Variants in HNRNPLL observed in about 807,000 individuals in gnomAD.
The protein encoded by HNRNPLL is heterogeneous nuclear ribonucleoprotein L like, also known as heterogeneous nuclear ribonucleoprotein L-like.
In HNRNPLL, 25 loss-of-function variants were observed where a neutral mutation model predicts 67.1. The ratio of observed to expected loss-of-function variants is 0.37; its 90% CI spans 0.27 to 0.52. The LOEUF (loss-of-function observed/expected upper bound fraction) is 0.52, where lower values mean the gene tolerates loss of function less well. HNRNPLL is among the 20% of genes least tolerant of loss of function. The pLI is 0.90. For synonymous variants in HNRNPLL, 267 were observed against 241.7 expected (o/e 1.10, Z -0.97); for missense variants, 542 against 673.9 (o/e 0.80, Z 2.17).
intron 9 of HNRNPLL, 44 bp from the exon 10 acceptor site, chr2:38,569,378 T>C (rs746317669): frequency 2.1e-6 from 3 of 1,402,636 alleles, no homozygotes; most frequent in South Asian, 2.4e-5. Flanking sequence ...CTTTGTTAGA[T>C]AAAAAGCAGC....
chr2:38,569,362 A>C, intron 9 of HNRNPLL, 28 bp from the exon 10 acceptor site: 2 of 1,511,400 alleles, frequency 1.3e-6, no homozygotes, highest in Non-Finnish European at 1.8e-6. Context: ...AAGACATACA[A>C]AAGTACTTTG....
chr2:38,593,414 T>C lies in HNRNPLL; in HGVS notation c.190-1766A>G, dbSNP rs77799376. Among the ~76,000 whole-genome samples the C allele has an allele frequency of 5.1e-4, 78 of 152,300 alleles. 4 individuals are homozygous for C. The East Asian group carries it at 0.014, about 27-fold the overall frequency. On this transcript the variant is annotated intron_variant, in intron 1 of 12. Coordinates refer to ENST00000449105, the MANE Select transcript of HNRNPLL (RefSeq NM_138394.4). Reference sequence around the variant, plus strand: ...AGTATAACAAGTTTTACTCTCAAAATAATTAGAAAATAATAAACTGCAAGA... The same window carrying C: ...AGTATAACAAGTTTTACTCTCAAAACAATTAGAAAATAATAAACTGCAAGA...
intron 8 of HNRNPLL, among the ~76,000 whole-genome samples, chr2:38,570,167 A>T (rs566155100): frequency 6.6e-6 from 1 of 152,302 alleles, no homozygotes; most frequent in African/African-American, 2.4e-5. Context: ...GTTATGTATT[A>T]ATTGTGTGAT....
At chr2:38,597,036 AT>A (rs2148387998) in intron 1 of HNRNPLL, among the ~76,000 whole-genome samples, 1 of 152,078 alleles carries the variant, frequency 6.6e-6, no homozygotes, top group Admixed American at 6.5e-5. Context: ...TATTTTATTT[AT>A]TTTTTATTTT....
intron 4 of HNRNPLL, 42 bp downstream of exon 4, chr2:38,583,799 G>A (rs777122507): frequency 1.2e-5 from 11 of 911,288 alleles, no homozygotes; most frequent in African/African-American, 1.7e-5. Flanking sequence ...AATAAGATCC[G>A]TATGAATTAC....
chr2:38,579,702 CT>C (rs1416041196), intron 6 of HNRNPLL, among the ~76,000 whole-genome samples: 1 of 150,302 alleles, frequency 6.7e-6, no homozygotes, highest in Non-Finnish European at 1.5e-5. Context: ...CTGAAAAGGG[CT>C]TTGAAAAAAG....
In HNRNPLL at chr2:38,564,224, G is replaced by A. The variant is rs1251816722; in HGVS notation, c.1587C>T (p.Pro529=). The change falls in exon 13 of 13, where the codon CCC becomes CCT. Residue 529 remains proline, a synonymous_variant. Coordinates refer to ENST00000449105, the MANE Select transcript of HNRNPLL (RefSeq NM_138394.4). ...TAGAAAAGCAAAGCTTCAATGTATA[G>A]GGATTGGAACCATCTGTAAAAAGTA... ...YQIRVPNGSN[P]YTLKLCFSTS... The A allele has an allele frequency of 6.4e-6, 10 of 1,558,168 alleles. No homozygotes were observed. The African/African-American group carries it at 9.5e-5, about 15-fold the overall frequency.
intron 8 of HNRNPLL, among the ~76,000 whole-genome samples, chr2:38,570,244 G>C (rs952123828): frequency 3.3e-5 from 5 of 152,238 alleles, no homozygotes; most frequent in Admixed American, 2.0e-4. Context: ...AATACCATCT[G>C]GCAGGACTCG....
intron 8 of HNRNPLL, 128 bp from the exon 9 acceptor site, chr2:38,570,053 C>A: frequency 1.5e-6 from 1 of 656,612 alleles, no homozygotes; most frequent in Non-Finnish European, 2.7e-6. Flanking sequence ...TAACTATACT[C>A]TGCCATGTTA....
At chr2:38,585,102 T>C (rs566328631) in intron 3 of HNRNPLL, among the ~76,000 whole-genome samples, 4 of 152,346 alleles carry the variant, frequency 2.6e-5, no homozygotes, top group African/African-American at 9.6e-5. Flanking sequence ...GTTACTAGCT[T>C]ATTATGAAAC....
In HNRNPLL at chr2:38,562,229, A is replaced by G. The variant is rs1210283583; in HGVS notation, c.*1953T>C. The G allele has an allele frequency of 6.6e-6, 1 of 152,190 alleles. No individual in the cohort carries two copies. Among genetic ancestry groups the G allele is most frequent in the Non-Finnish European group, 1.5e-5 (1 of 68,018 alleles). The allele number at this position is 152,190 out of a possible 1,614,324, so 9.4% of individuals were successfully genotyped here. A position where few individuals can be genotyped will look rare whatever the true frequency, so the allele number is the denominator to read the frequency against. ...AAGTAAACTATCAAAAACATTAGTG[A>G]CAGCAGCAGTATAGGGCTTACACAC... On this transcript the variant is annotated 3_prime_UTR_variant, in exon 13 of 13. Coordinates refer to ENST00000449105, the MANE Select transcript of HNRNPLL (RefSeq NM_138394.4).
intron 7 of HNRNPLL, among the ~76,000 whole-genome samples, chr2:38,577,070 C>T (rs1034843920): frequency 6.6e-6 from 1 of 151,850 alleles, no homozygotes; most frequent in Non-Finnish European, 1.5e-5. Flanking sequence ...TTGACAAATA[C>T]CCTATTCTTT....
chr2:38,583,806 T>C, intron 4 of HNRNPLL, 35 bp downstream of exon 4: 1 of 990,048 alleles, frequency 1.0e-6, no homozygotes, highest in Non-Finnish European at 1.6e-6. Context: ...TCCGTATGAA[T>C]TACACATCAA....
chr2:38,581,362 C>G (rs1171536659), intron 6 of HNRNPLL: 1 of 154,056 alleles, frequency 6.5e-6, no homozygotes, highest in Non-Finnish European at 1.4e-5. Context: ...TCATCCCATG[C>G]AATTCTGAAG....
chr2:38,596,157 C>A (rs1190094222), intron 1 of HNRNPLL, among the ~76,000 whole-genome samples: 1 of 152,096 alleles, frequency 6.6e-6, no homozygotes, highest in African/African-American at 2.4e-5. Flanking sequence ...ATCATCCTCT[C>A]CTGAGCTTCG....
chr2:38,584,343 G>A (rs1409647451), intron 3 of HNRNPLL, among the ~76,000 whole-genome samples: 1 of 152,126 alleles, frequency 6.6e-6, no homozygotes, highest in Non-Finnish European at 1.5e-5. Context: ...TTATAGGTAT[G>A]AGCCACCATG....
chr2:38,575,747 G>C (rs1227306273), intron 7 of HNRNPLL, among the ~76,000 whole-genome samples: 1 of 151,814 alleles, frequency 6.6e-6, no homozygotes, highest in East Asian at 1.9e-4. Flanking sequence ...AAGTAAACCT[G>C]TTTTGCTGAA....
intron 2 of HNRNPLL, among the ~76,000 whole-genome samples, chr2:38,590,451 C>T (rs1666911646): frequency 6.6e-6 from 1 of 152,078 alleles, no homozygotes. Context: ...TCTTCGATAG[C>T]TGTAACAAAA....
At chr2:38,587,007 G>A (rs1380936054) in intron 2 of HNRNPLL, among the ~76,000 whole-genome samples, 2 of 152,198 alleles carry the variant, frequency 1.3e-5, no homozygotes, top group Non-Finnish European at 2.9e-5. Flanking sequence ...AATGGGGGAA[G>A]CATGTCCTCT....
Sources: allele counts gnomAD v4.1 joint callset (sites outside exome capture counted in the v4.1 genomes callset), GRCh38; gene constraint gnomAD v4.1.1; transcripts MANE v1.5; gene names NCBI Gene and HGNC (gene_info 2026-07-23, HGNC 2026-07-21).